Variants in VWF observed in about 807,000 individuals in gnomAD.
VWF encodes Factor VIII related antigen.
In VWF, 176 loss-of-function variants were observed where a neutral mutation model predicts 308.6. The ratio of observed to expected loss-of-function variants is 0.57; its 90% CI spans 0.50 to 0.65. The LOEUF is 0.65. Among genes scored for constraint, VWF ranks in the 30% least tolerant of loss-of-function variants. The probability of loss-of-function intolerance (pLI) is 0.00; values close to 1 mark genes in which losing one functional copy is unlikely to be tolerated. For missense variants in VWF, 3,146 were observed against 3,648.2 expected (o/e 0.86, Z 3.55); for synonymous variants, 1,385 against 1,443.4 (o/e 0.96, Z 0.92).
At chr12:6,050,720 G>C (rs1268211187) in intron 16 of VWF, among the ~76,000 whole-genome samples, 1 of 152,218 alleles carries the variant, frequency 6.6e-6, no homozygotes, top group Admixed American at 6.5e-5. Context: ...AGCACTCTGG[G>C]AGGCCGAGGC....
intron 37 of VWF, among the ~76,000 whole-genome samples, chr12:5,992,394 T>C (rs571185552): frequency 3.9e-5 from 6 of 152,322 alleles, no homozygotes; most frequent in Admixed American, 6.5e-5. Context: ...ATGAATGTGA[T>C]GGCTAGAACT....
chr12:6,096,792 G>T (rs1333038460), intron 5 of VWF, among the ~76,000 whole-genome samples: 1 of 152,210 alleles, frequency 6.6e-6, no homozygotes, highest in Non-Finnish European at 1.5e-5. Flanking sequence ...TACAAAGGCA[G>T]TATGAGACTA....
intron 5 of VWF, among the ~76,000 whole-genome samples, chr12:6,100,034 A>C (rs1219595537): frequency 6.6e-6 from 1 of 151,972 alleles, no homozygotes; most frequent in Non-Finnish European, 1.5e-5. Context: ...ATGAACTCAA[A>C]CAAATTTACA....
At chr12:6,065,033 C>A in intron 11 of VWF, 104 bp downstream of exon 11, 1 of 1,545,068 alleles carries the variant, frequency 6.5e-7, no homozygotes, top group Non-Finnish European at 8.8e-7. Flanking sequence ...CCCTCATGCA[C>A]AGAAAGCAAT....
intron 39 of VWF, 60 bp from the exon 40 acceptor site, chr12:5,985,179 G>T (rs1044718572): frequency 1.7e-5 from 26 of 1,543,682 alleles, no homozygotes; most frequent in Non-Finnish European, 2.2e-5. Flanking sequence ...GCCTCAGAGG[G>T]ATTTGAAATG....
At chr12:6,087,715 C>G (rs182217663) in intron 6 of VWF, among the ~76,000 whole-genome samples, 2 of 152,148 alleles carry the variant, frequency 1.3e-5, no homozygotes, top group African/African-American at 4.8e-5. Context: ...TACCCAGACA[C>G]AGTTTGTGGA....
chr12:5,992,776 G>A (rs920465651), intron 37 of VWF, among the ~76,000 whole-genome samples: 1 of 152,208 alleles, frequency 6.6e-6, no homozygotes, highest in Non-Finnish European at 1.5e-5. Context: ...GGTGATGGAC[G>A]AAGTTTCCAA....
At position 5,985,108 on chromosome 12, in the gene VWF, C is replaced by T; in HGVS notation, c.6913G>A (p.Gly2305Ser). ...PCPTAKAPTC[G>S]LCEVARLRQN... ...CGGAGGCGGGCTACTTCACACAGGC[C>T]ACACGTGGGAGCTAGAGGAGAGGAA... is the stretch of plus-strand genomic sequence containing the variant. Residue 2305 changes from glycine to serine, a missense_variant, in exon 40 of 52, where the codon GGC becomes AGC. Coordinates refer to ENST00000261405, the MANE Select transcript of VWF (RefSeq NM_000552.5). The T allele has an allele frequency of 1.2e-6, 2 of 1,614,182 alleles. No individual in the cohort carries two copies. Among genetic ancestry groups the T allele is most frequent in the Non-Finnish European group, 1.7e-6 (2 of 1,180,034 alleles).
Position 5,952,508 on chromosome 12 carries a change from C to T in VWF, c.7998G>A (p.Thr2666=), listed in dbSNP as rs201890452. The T allele has an allele frequency of 4.3e-6, 7 of 1,613,794 alleles. No individual in the cohort carries two copies. The East Asian group carries it at 1.1e-4, about 26-fold the overall frequency. Residue 2666 remains threonine (T), a synonymous_variant, in exon 49 of 52, where the codon ACG becomes ACA. Transcript: ENST00000261405. ...GQIMTLKRDE[T]LQDGCDTHFC... ...AGTGAGTATCACAGCCATCCTGGAG[C>T]GTCTCATCACGCTGGAAGGAAAGAG...
Position 6,103,504 on chromosome 12 carries a change from G to GTA in VWF, c.532+6868_532+6869dup, listed in dbSNP as rs200273814. Among the ~76,000 whole-genome samples the GTA allele has an allele frequency of 2.7e-4, 28 of 103,892 alleles. 1 individual carries two copies. The highest frequency in any genetic ancestry group is 5.7e-4 in the African/African-American group (9 of 15,682). The allele number at this position is 103,892 out of a possible 152,430, so 68.2% of individuals were successfully genotyped here. A position where few individuals can be genotyped will look rare whatever the true frequency, so the allele number is the denominator to read the frequency against. ...TATACATATATGTGTATACACACACGTATATATATACACACATATGTGTAT... is the reference window on the plus strand; with the variant it reads ...TATACATATATGTGTATACACACACGTATATATATATACACACATATGTGTAT... On this transcript the variant is annotated intron_variant, in intron 5 of 51. Coordinates refer to ENST00000261405, the MANE Select transcript of VWF (RefSeq NM_000552.5).
chr12:6,006,985 G>A (rs1943936008), intron 34 of VWF, among the ~76,000 whole-genome samples: 1 of 152,078 alleles, frequency 6.6e-6, no homozygotes, highest in Non-Finnish European at 1.5e-5. Context: ...ATGGTCACAA[G>A]AGACAAAAAA....
In VWF at chr12:6,057,013, G is replaced by A. The variant is rs756887965; in HGVS notation, c.1789C>T (p.Arg597Cys). 9.7e-6 allele frequency: 15 copies of A among 1,550,048 alleles called. No individual in the cohort carries two copies. Among genetic ancestry groups the A allele is most frequent in the African/African-American group, 6.8e-5 (5 of 73,692 alleles). The stretch of plus-strand genomic sequence containing the variant: ...AGGTAGGGCAGCGGGCTGACGGCAC[G>A]ATGGCAGGCCTCGAATGTGGGGGAC... ...LTSPTFEACH[R>C]AVSPLPYLRN... Residue 597 changes from arginine (R) to cysteine (C), a missense_variant, in exon 15 of 52, where the codon CGT (arginine) becomes TGT (cysteine). Coordinates refer to ENST00000261405, the MANE Select transcript of VWF (RefSeq NM_000552.5).
At chr12:5,950,002 C>A in intron 50 of VWF, 119 bp from the exon 51 acceptor site, 1 of 848,680 alleles carries the variant, frequency 1.2e-6, no homozygotes, top group Non-Finnish European at 2.0e-6. Context: ...CAAATAAAGC[C>A]AGCCACAGGG....
chr12:6,016,987 A>AG, intron 28 of VWF, 117 bp from the exon 29 acceptor site: 1 of 1,102,412 alleles, frequency 9.1e-7, no homozygotes, highest in Non-Finnish European at 1.4e-6. Context: ...GGCACCACCA[A>AG]GGGGGGCGGG....
rs139306529 is a variant in VWF at position 6,058,752 on chromosome 12, T to C, written c.1534-708A>G. ...GACAGCAGCAAAGCAGCGGCACAGT[T>C]CAAACTCCAGGCCATGAGCATGTGG... On this transcript the variant is annotated intron_variant, in intron 13 of 51. Coordinates refer to ENST00000261405, the MANE Select transcript of VWF (RefSeq NM_000552.5). The surrounding 1 kb of genome is among the most constrained non-coding windows in gnomAD (Gnocchi z 4.9). 2.6e-5 allele frequency among the ~76,000 whole-genome samples: 4 copies of C among 152,248 alleles called. No homozygotes were observed. Among genetic ancestry groups the C allele is most frequent in the African/African-American group, 9.6e-5 (4 of 41,538 alleles).
chr12:6,044,527 C>T, intron 17 of VWF, 76 bp from the exon 18 acceptor site: 2 of 1,538,886 alleles, frequency 1.3e-6, no homozygotes, highest in Non-Finnish European at 1.8e-6. Flanking sequence ...CCTTTGGTCC[C>T]CTAGAGTCTG....
chr12:6,053,820 T>G (rs1335967423), intron 15 of VWF, among the ~76,000 whole-genome samples: 1 of 152,202 alleles, frequency 6.6e-6, no homozygotes, highest in Non-Finnish European at 1.5e-5. Flanking sequence ...CTGATAATAA[T>G]TATTATTCTT....
intron 6 of VWF, among the ~76,000 whole-genome samples, chr12:6,088,547 T>G (rs1428213140): frequency 2.0e-5 from 3 of 151,526 alleles, no homozygotes; most frequent in Non-Finnish European, 2.9e-5. Context: ...AAGCATGCTA[T>G]GAGCTGGATG....
Position 5,976,264 on chromosome 12 carries a change from T to C in VWF, c.7288-4A>G. The C allele has an allele frequency of 1.2e-6, 2 of 1,614,076 alleles. No individual in the cohort carries two copies. Among genetic ancestry groups the C allele is most frequent in the South Asian group, 1.1e-5 (1 of 91,082 alleles). Reference sequence around the variant, plus strand: ...TGGTGCTTCGGTGGACACACACCTGTAGACATAAGTTTTCGTGAGTGAACT... The same window carrying C: ...TGGTGCTTCGGTGGACACACACCTGCAGACATAAGTTTTCGTGAGTGAACT... On this transcript the variant is annotated splice_polypyrimidine_tract_variant and splice_region_variant and intron_variant, in intron 42 of 51. Transcript: ENST00000261405.
Sources: gnomAD v4.1 joint callset for allele counts (sites outside exome capture counted in the v4.1 genomes callset) on GRCh38, gnomAD v4.1.1 for gene constraint, Gnocchi (gnomAD v3.1) non-coding constraint, MANE v1.5 for transcripts, NCBI Gene and HGNC (gene_info 2026-07-23, HGNC 2026-07-21) for gene names.